Variants in TOM1L2 observed in about 807,000 individuals in gnomAD.
TOM1L2 encodes the protein target of myb1 like 2 membrane trafficking protein, also known as TOM1-like protein 2.
A neutral mutation model predicts 67.9 loss-of-function variants in TOM1L2; 31 were observed. The ratio of observed to expected loss-of-function variants is 0.46; its 90% CI spans 0.34 to 0.62. TOM1L2 has a LOEUF of 0.62. TOM1L2 is among the 20% of genes least tolerant of loss of function. The probability of loss-of-function intolerance (pLI) is 0.01; values close to 1 mark genes in which losing one functional copy is unlikely to be tolerated. For synonymous variants in TOM1L2, 256 were observed against 254.0 expected, an observed-to-expected ratio of 1.01 and a Z score of -0.07; for missense variants, 606 against 663.5, an observed-to-expected ratio of 0.91 and a Z score of 0.95.
At chr17:17,922,690 C>A (rs2039923870) in intron 1 of TOM1L2, among the ~76,000 whole-genome samples, 1 of 152,118 alleles carries the variant, frequency 6.6e-6, no homozygotes, top group Non-Finnish European at 1.5e-5. Context: ...TGGTTAAGAT[C>A]AAATAAGTTA....
At chr17:17,910,671 G>A (rs1318841197) in intron 1 of TOM1L2, among the ~76,000 whole-genome samples, 1 of 152,112 alleles carries the variant, frequency 6.6e-6, no homozygotes, top group Non-Finnish European at 1.5e-5. Context: ...CTGGGTTCAA[G>A]CAATTCTCCT....
At chr17:17,872,082 C>A (rs2037184458) in intron 7 of TOM1L2, 1 of 984,018 alleles carries the variant, frequency 1.0e-6, no homozygotes, top group Non-Finnish European at 1.2e-6. Context: ...ATAATGGCCA[C>A]AGGCGCCAAT....
intron 8 of TOM1L2, 36 bp from the exon 9 acceptor site, chr17:17,866,960 G>A (rs377530471): frequency 2.4e-5 from 38 of 1,608,594 alleles, no homozygotes; most frequent in Non-Finnish European, 3.1e-5. Flanking sequence ...TAAGGAGAGA[G>A]GATGCCTGTG....
At chr17:17,894,696 C>T (rs1298883489) in intron 3 of TOM1L2, among the ~76,000 whole-genome samples, 2 of 152,126 alleles carry the variant, frequency 1.3e-5, no homozygotes, top group South Asian at 2.1e-4. Context: ...TTTGGGAGGC[C>T]GAGGCAGGTG....
At chr17:17,902,128 A>T (rs1248004134) in intron 2 of TOM1L2, among the ~76,000 whole-genome samples, 1 of 152,152 alleles carries the variant, frequency 6.6e-6, no homozygotes, top group African/African-American at 2.4e-5. Context: ...GTGAGCTGAG[A>T]TCACACCATT....
intron 12 of TOM1L2, among the ~76,000 whole-genome samples, chr17:17,852,734 A>G (rs943856114): frequency 2.0e-5 from 3 of 152,006 alleles, no homozygotes; most frequent in Non-Finnish European, 1.5e-5. Flanking sequence ...GTGTGGTGGT[A>G]TGCGCCTGTA....
intron 3 of TOM1L2, among the ~76,000 whole-genome samples, chr17:17,896,437 T>C (rs1457476953): frequency 6.6e-5 from 10 of 152,146 alleles, no homozygotes; most frequent in African/African-American, 2.2e-4. Context: ...CTGCCCGCCA[T>C]TAGGGAATAC....
intron 1 of TOM1L2, among the ~76,000 whole-genome samples, chr17:17,952,535 G>A (rs1304254657): frequency 6.6e-6 from 1 of 151,622 alleles, no homozygotes; most frequent in African/African-American, 2.4e-5. Flanking sequence ...GGGACCACAG[G>A]TGCGTGCTGC....
intron 1 of TOM1L2, among the ~76,000 whole-genome samples, chr17:17,943,816 A>G (rs2040831805): frequency 6.6e-6 from 1 of 152,152 alleles, no homozygotes; most frequent in Admixed American, 6.5e-5. Context: ...ACCAGCCCTG[A>G]CTTCCACTTC....
Position 17,882,898 on chromosome 17 carries a change from G to C in TOM1L2, c.502-35C>G, listed in dbSNP as rs1332088511. On this transcript the variant is annotated intron_variant, in intron 5 of 14. Transcript: ENST00000379504. ...CAACAACAAAGTCCTCTGTTTACCTGGGCTGCCTGCATAGCTGGACCTGGT... is the reference window on the plus strand; with the variant it reads ...CAACAACAAAGTCCTCTGTTTACCTCGGCTGCCTGCATAGCTGGACCTGGT... 3 of 1,610,728 alleles carry C rather than the reference G, an allele frequency of 1.9e-6. No homozygotes were observed. The African/African-American group carries it at 4.0e-5, about 22-fold the overall frequency.
chr17:17,885,151 C>G (rs1457824724), intron 4 of TOM1L2, among the ~76,000 whole-genome samples: 2 of 152,266 alleles, frequency 1.3e-5, no homozygotes, highest in Non-Finnish European at 2.9e-5. Context: ...CTTGTCAGCT[C>G]AGCAGGGTGC....
At chr17:17,907,657 T>C (rs550058478) in intron 1 of TOM1L2, 126 bp from the exon 2 acceptor site, 4 of 736,652 alleles carry the variant, frequency 5.4e-6, no homozygotes, top group African/African-American at 5.3e-5. Context: ...AACAGAGCCA[T>C]TCTAGGAGTG....
At chr17:17,945,675 C>T (rs1435245395) in intron 1 of TOM1L2, among the ~76,000 whole-genome samples, 2 of 152,080 alleles carry the variant, frequency 1.3e-5, no homozygotes, top group African/African-American at 4.8e-5. Context: ...TAATATTTCA[C>T]GGAGACTTTC....
chr17:17,958,998 T>TG (rs1402142542), intron 1 of TOM1L2, among the ~76,000 whole-genome samples: 1 of 152,244 alleles, frequency 6.6e-6, no homozygotes, highest in Non-Finnish European at 1.5e-5. Flanking sequence ...ATAAAGGTGC[T>TG]GGGAGGCTGG....
intron 1 of TOM1L2, among the ~76,000 whole-genome samples, chr17:17,956,569 C>G (rs1347109325): frequency 6.6e-6 from 1 of 152,174 alleles, no homozygotes; most frequent in Non-Finnish European, 1.5e-5. Flanking sequence ...TGGGGAGGTT[C>G]GGGCCGCATA....
chr17:17,882,060 A>C (rs571481718), intron 6 of TOM1L2, among the ~76,000 whole-genome samples: 9 of 152,312 alleles, frequency 5.9e-5, no homozygotes, highest in African/African-American at 2.2e-4. Context: ...TAAAAAATCC[A>C]GTGTGGGGTT....
At chr17:17,920,337 T>C (rs942000162) in intron 1 of TOM1L2, among the ~76,000 whole-genome samples, 13 of 135,168 alleles carry the variant, frequency 9.6e-5, no homozygotes, top group African/African-American at 3.8e-4. Flanking sequence ...TGTTCAATAT[T>C]TTTTTTTTTT....
chr17:17,867,502 G>A (rs1173375040), intron 8 of TOM1L2, among the ~76,000 whole-genome samples: 1 of 152,222 alleles, frequency 6.6e-6, no homozygotes, highest in Non-Finnish European at 1.5e-5. Context: ...ACCCAGTCAG[G>A]CAGTGCAGGG....
intron 2 of TOM1L2, among the ~76,000 whole-genome samples, chr17:17,901,958 T>TGG (rs935045850): frequency 6.6e-5 from 10 of 152,068 alleles, no homozygotes; most frequent in African/African-American, 2.2e-4. Flanking sequence ...CCAAGGCAGG[T>TGG]GGGAGGTCAG....
Sources: gnomAD v4.1 joint callset for allele counts (sites outside exome capture counted in the v4.1 genomes callset) on GRCh38, gnomAD v4.1.1 for gene constraint, MANE v1.5 for transcripts, NCBI Gene and HGNC (gene_info 2026-07-23, HGNC 2026-07-21) for gene names.